The following NEB variants were observed in gnomAD, a reference collection of about 807,000 sequenced individuals.
NEB encodes the protein nemaline myopathy type 2.
NEB carries 512 observed loss-of-function variants against 952.2 expected under a neutral mutation model. The ratio of observed to expected loss-of-function variants is 0.54; its 90% CI spans 0.50 to 0.58. The LOEUF (loss-of-function observed/expected upper bound fraction) is 0.58. NEB is among the 20% of genes least tolerant of loss of function. The pLI is 0.00. For synonymous variants in NEB, 2,900 were observed against 3,149.8 expected, an observed-to-expected ratio of 0.92 and a Z score of 2.66; for missense variants, 8,428 against 9,231.1, an observed-to-expected ratio of 0.91 and a Z score of 3.56.
rs1276051107 is a variant in NEB at position 151,695,700 on chromosome 2, C to T, written c.1570-18G>A. On this transcript the variant is annotated intron_variant, in intron 17 of 181. Transcript: ENST00000397345. ...TAATTTAACTATGACAGAGAGAGAA[C>T]CAATTAGTTCAGAAGAATTGTTCCA... is the stretch of plus-strand genomic sequence containing the variant. 6 of 1,544,674 alleles carry T rather than the reference C, an allele frequency of 3.9e-6. No homozygotes were observed. In the African/African-American group the frequency reaches 5.4e-5, roughly 14 times the overall value.
At chr2:151,512,017 C>T (rs2074791167) in intron 161 of NEB, among the ~76,000 whole-genome samples, 1 of 130,128 alleles carries the variant, frequency 7.7e-6, no homozygotes, top group Admixed American at 9.4e-5. Flanking sequence ...TACCCTCTCA[C>T]TCTTTTTTTT....
Position 151,512,833 on chromosome 2 carries a change from T to C in NEB, c.23246A>G (p.Lys7749Arg). The change falls in exon 161 of 182, where the codon AAG becomes AGG. Residue 7749 changes from lysine to arginine, a missense_variant. Lys to Arg is a conservative substitution (Grantham distance 26, BLOSUM62 2). Coordinates refer to ENST00000397345, the MANE Select transcript of NEB (RefSeq NM_001164508.2). ...RNATDIASQI[K>R]YKQSAEMEKA... ...CTCCATTTCTGCTGATTGCTTATAC[T>C]TAATCTGTAAAACAACACCGAATAG... The C allele has an allele frequency of 6.2e-7, 1 of 1,606,502 alleles. No individual in the cohort carries two copies. The highest frequency in any genetic ancestry group is 1.1e-5 in the South Asian group (1 of 90,424).
At chr2:151,692,516 T>A (rs1472652712) in intron 20 of NEB, 154 bp from the exon 21 acceptor site, 3 of 694,478 alleles carry the variant, frequency 4.3e-6, no homozygotes, top group Non-Finnish European at 7.8e-6. Context: ...AGAATAGATG[T>A]GGTAGAGGCT....
chr2:151,710,272 G>C (rs929826900), intron 11 of NEB, among the ~76,000 whole-genome samples, 162 bp downstream of exon 11: 3 of 152,164 alleles, frequency 2.0e-5, no homozygotes, highest in African/African-American at 7.2e-5. Flanking sequence ...AAGAGAGTTT[G>C]GGAAATTTCT....
intron 13 of NEB, among the ~76,000 whole-genome samples, chr2:151,704,268 TCAGA>T (rs2099692234): frequency 2.2e-5 from 2 of 89,738 alleles, no homozygotes; most frequent in African/African-American, 8.6e-5. Flanking sequence ...TTCAAAGCTG[TCAGA>T]CAGGGACATT....
rs2099191351 is a variant in NEB at position 151,664,851 on chromosome 2, CAGTGTAG to C, written c.5244_5250del (p.Tyr1749LysfsTer24). The C allele has an allele frequency of 5.0e-6, 8 of 1,610,506 alleles. No individual in the cohort carries two copies. The highest frequency in any genetic ancestry group is 5.9e-6 in the Non-Finnish European group (7 of 1,177,824). On this transcript the variant is annotated frameshift_variant, in exon 43 of 182. Coordinates refer to ENST00000397345, the MANE Select transcript of NEB (RefSeq NM_001164508.2). LOFTEE classifies it high-confidence loss of function. ...GTGGTCTTGTCCTTGTTCCATTTTT[CAGTGTAG>C]AGCCTCTGCAATGAGAAAGTCAGGT...
chr2:151,547,567 T>C, intron 132 of NEB, 34 bp from the exon 133 acceptor site: 1 of 1,599,160 alleles, frequency 6.3e-7, no homozygotes, highest in East Asian at 2.2e-5. Flanking sequence ...AACATATGTA[T>C]TAGAGACCGA....
rs545937015 is a variant in NEB at position 151,505,476 on chromosome 2, A to G, written c.23742+2T>C. The G allele has an allele frequency of 6.4e-5, 103 of 1,612,912 alleles. No individual in the cohort carries two copies. The highest frequency in any genetic ancestry group is 8.3e-5 in the Non-Finnish European group (98 of 1,179,056). On this transcript the variant is annotated splice_donor_variant, in intron 165 of 181. Coordinates refer to ENST00000397345, the MANE Select transcript of NEB (RefSeq NM_001164508.2). LOFTEE classifies it high-confidence loss of function. ...AATGGAAGCTGAGAGTATGGCCACT[A>G]CCGAGCTAATGTGCTTCTGCGTCTC...
At position 151,549,752 on chromosome 2, in the gene NEB, A is replaced by G; in HGVS notation, c.19945-12T>C. ...GTTTTGTATAGATTCTGCAGGAATGAGGAAGAGCAGGTTAAATGACATCGG... is the reference window on the plus strand; with the variant it reads ...GTTTTGTATAGATTCTGCAGGAATGGGGAAGAGCAGGTTAAATGACATCGG... On this transcript the variant is annotated splice_polypyrimidine_tract_variant and intron_variant, in intron 129 of 181. Coordinates refer to ENST00000397345, the MANE Select transcript of NEB (RefSeq NM_001164508.2). 2 of 1,496,274 alleles carry G rather than the reference A, an allele frequency of 1.3e-6. No individual in the cohort carries two copies. Among genetic ancestry groups the G allele is most frequent in the East Asian group, 4.8e-5 (2 of 42,098 alleles). 92.7% of individuals were successfully genotyped at this position (1,496,274 alleles called of 1,614,324 possible). A position where few individuals can be genotyped will look rare whatever the true frequency, so the allele number is the denominator to read the frequency against.
At position 151,640,393 on chromosome 2, in the gene NEB, C is replaced by T. The variant is rs369283016; in HGVS notation, c.8647G>A (p.Val2883Ile). 72 of 1,613,818 alleles carry T rather than the reference C, an allele frequency of 4.5e-5. No homozygotes were observed. The highest frequency in any genetic ancestry group is 3.6e-4 in the African/African-American group (27 of 74,918). Residue 2883 changes from valine to isoleucine, a missense_variant, in exon 61 of 182, where the codon GTC becomes ATC. Around this residue, in one of 11 missense-constraint regions of NEB, gnomAD observed 1,772 missense variants for 1,960.3 expected, o/e 0.90. Transcript: ENST00000397345. ...QWTCLPDQSD[V>I]IHARQAYDLQ... ...TCATAGGCCTGCCGAGCATGGATGACGTCGCTCTGGTCGGGCAGGCATGTC... is the reference window on the plus strand; with the variant it reads ...TCATAGGCCTGCCGAGCATGGATGATGTCGCTCTGGTCGGGCAGGCATGTC...
intron 114 of NEB, among the ~76,000 whole-genome samples, chr2:151,566,248 A>G (rs894162663): frequency 2.0e-5 from 3 of 152,194 alleles, no homozygotes; most frequent in Non-Finnish European, 4.4e-5. Context: ...AAACTACACA[A>G]GTAAATATTC....
intron 54 of NEB, among the ~76,000 whole-genome samples, chr2:151,646,963 C>T (rs2098967796): frequency 6.6e-6 from 1 of 151,554 alleles, no homozygotes; most frequent in African/African-American, 2.4e-5. Flanking sequence ...AGTTATGCCT[C>T]ATAATCATTG....
chr2:151,502,430 T>TAAAC (rs2065423271), intron 167 of NEB, among the ~76,000 whole-genome samples: 1 of 151,814 alleles, frequency 6.6e-6, no homozygotes, highest in South Asian at 2.1e-4. Context: ...AAGAATACAT[T>TAAAC]AAACAGCCAC....
At chr2:151,657,297 T>C (rs979034490) in intron 48 of NEB, among the ~76,000 whole-genome samples, 1 of 152,150 alleles carries the variant, frequency 6.6e-6, no homozygotes, top group African/African-American at 2.4e-5. Context: ...AAGGAGAGAT[T>C]GTTTTGAAAT....
Position 151,694,250 on chromosome 2 carries a change from C to T in NEB, c.1896+73G>A, listed in dbSNP as rs1276306559. On this transcript the variant is annotated intron_variant, in intron 20 of 181. Coordinates refer to ENST00000397345, the MANE Select transcript of NEB (RefSeq NM_001164508.2). ...TCCAAGATTTCAGTTAGGCTAACGTCCATCCAAGGTTATATTAAACAGCAA... is the reference window on the plus strand; with the variant it reads ...TCCAAGATTTCAGTTAGGCTAACGTTCATCCAAGGTTATATTAAACAGCAA... 5.2e-5 allele frequency: 65 copies of T among 1,241,478 alleles called. 1 individual carries two copies. In the South Asian group the frequency reaches 8.0e-4, roughly 15 times the overall value. The allele number at this position is 1,241,478 out of a possible 1,614,324, so 76.9% of individuals were successfully genotyped here. A position where few individuals can be genotyped will look rare whatever the true frequency, so the allele number is the denominator to read the frequency against.
chr2:151,674,608 G>T, intron 35 of NEB, 24 bp from the exon 36 acceptor site: 1 of 1,506,470 alleles, frequency 6.6e-7, no homozygotes, highest in Non-Finnish European at 9.2e-7. Context: ...CAAACAGAAT[G>T]TCAGCATCTG....
chr2:151,655,723 T>G, intron 50 of NEB, 94 bp downstream of exon 50: 1 of 1,325,280 alleles, frequency 7.5e-7, no homozygotes. Context: ...AGCCTAGGAA[T>G]GATGGACCTT....
At chr2:151,535,261 G>A (rs1167007711) in intron 142 of NEB, among the ~76,000 whole-genome samples, 1 of 152,218 alleles carries the variant, frequency 6.6e-6, no homozygotes, top group African/African-American at 2.4e-5. Context: ...TTCCTTTAGC[G>A]TAGCTCTTCT....
chr2:151,557,042 C>A (rs1483208898), intron 124 of NEB, among the ~76,000 whole-genome samples: 1 of 152,028 alleles, frequency 6.6e-6, no homozygotes, highest in Non-Finnish European at 1.5e-5. Context: ...GAGATTGAGA[C>A]ACAAAAAACC....
Sources: gnomAD v4.1 joint callset for allele counts (sites outside exome capture counted in the v4.1 genomes callset) on GRCh38, gnomAD v4.1.1 for gene constraint, gnomAD v4.1.1 regional missense constraint, MANE v1.5 for transcripts, NCBI Gene and HGNC (gene_info 2026-07-23, HGNC 2026-07-21) for gene names.